VPS13A: variants seen among roughly 807,000 people sequenced by gnomAD.
The protein encoded by VPS13A is intermembrane lipid transfer protein VPS13A.
Under a neutral mutation model 390.9 loss-of-function variants are expected in VPS13A, and 264 were observed. The observed-to-expected ratio is 0.68, with a 90% CI of 0.61 to 0.75. VPS13A has a LOEUF of 0.75. Among genes scored for constraint, VPS13A ranks in the 30% least tolerant of loss-of-function variants. VPS13A has a pLI of 0.00. For synonymous variants in VPS13A, 1,231 were observed against 1,227.1 expected (o/e 1.00, Z -0.07); for missense variants, 3,409 against 3,733.9 (o/e 0.91, Z 2.27).
intron 13 of VPS13A, among the ~76,000 whole-genome samples, chr9:77,224,179 C>T (rs1391654851): frequency 1.3e-5 from 2 of 152,130 alleles, no homozygotes; most frequent in Non-Finnish European, 2.9e-5. Flanking sequence ...CACCTAGTCA[C>T]CAAAAGCTCT....
intron 1 of VPS13A, among the ~76,000 whole-genome samples, chr9:77,181,442 G>T (rs1256350012): frequency 6.6e-6 from 1 of 151,222 alleles, no homozygotes; most frequent in African/African-American, 2.4e-5. Context: ...CTTGAAGCTG[G>T]GAGGCATAGG....
At chr9:77,257,595 GTAAA>G (rs1437761030) in intron 22 of VPS13A, among the ~76,000 whole-genome samples, 1 of 152,026 alleles carries the variant, frequency 6.6e-6, no homozygotes, top group Non-Finnish European at 1.5e-5. Context: ...TCTACAATAA[GTAAA>G]TAAATAATTA....
chr9:77,258,859 T>C (rs960674929), intron 22 of VPS13A, among the ~76,000 whole-genome samples: 1 of 152,164 alleles, frequency 6.6e-6, no homozygotes, highest in Non-Finnish European at 1.5e-5. Flanking sequence ...AAGTATGCTA[T>C]AATCTTGGAA....
intron 68 of VPS13A, chr9:77,384,766 T>C: frequency 6.5e-7 from 1 of 1,529,520 alleles, no homozygotes; most frequent in South Asian, 1.2e-5. Context: ...TATGTCCATT[T>C]ATAGGGAGGT....
At position 77,370,566 on chromosome 9, in the gene VPS13A, A is replaced by C. The variant is rs1306698024; in HGVS notation, c.8895A>C (p.Lys2965Asn). Residue 2965 changes from lysine to asparagine, a missense_variant, in exon 65 of 72, where the codon AAA becomes AAC. Coordinates refer to ENST00000360280, the MANE Select transcript of VPS13A (RefSeq NM_033305.3). ...GAGAAGGCATCACTCGTGGAGGAAA[A>C]GGCTTAGTTTCTGTAAGAAATTTCA... The part of the protein sequence containing the change: ...GFREGITRGG[K>N]GLVSGFVSGI... 2 of 1,614,132 alleles carry C rather than the reference A, an allele frequency of 1.2e-6. No individual in the cohort carries two copies. Among genetic ancestry groups the C allele is most frequent in the South Asian group, 2.2e-5 (2 of 91,082 alleles).
chr9:77,277,868 T>C (rs1281663397), intron 26 of VPS13A, among the ~76,000 whole-genome samples: 2 of 152,318 alleles, frequency 1.3e-5, no homozygotes, highest in South Asian at 2.1e-4. Flanking sequence ...TTAATAAAGC[T>C]GCTGTGAACA....
rs1831907115 is a variant in VPS13A, at chr9:77,357,906, C to T, written c.7953+68C>T. 7.0e-6 allele frequency: 10 copies of T among 1,436,662 alleles called. No individual in the cohort carries two copies. In the South Asian group the frequency reaches 9.3e-5, roughly 13 times the overall value. 89.0% of individuals were successfully genotyped at this position (1,436,662 alleles called of 1,614,324 possible). A position where few individuals can be genotyped will look rare whatever the true frequency, so the allele number is the denominator to read the frequency against. On this transcript the variant is annotated intron_variant, in intron 56 of 71. Coordinates refer to ENST00000360280, the MANE Select transcript of VPS13A (RefSeq NM_033305.3). ...AATGCAATAAGAAACCAGATCTATT[C>T]CCATGGTCTGCTTTATCTAGTATTC... is the stretch of plus-strand genomic sequence containing the variant.
At chr9:77,354,976 T>C (rs535958414) in intron 54 of VPS13A, among the ~76,000 whole-genome samples, 59 of 152,322 alleles carry the variant, frequency 3.9e-4, no homozygotes, top group African/African-American at 1.4e-3. Flanking sequence ...CCAGCAGTCC[T>C]CTTCTTCATC....
chr9:77,301,957 A>AT (rs397978087), intron 33 of VPS13A, among the ~76,000 whole-genome samples: 2,425 of 73,716 alleles, frequency 0.033, 63 homozygotes, highest in African/African-American at 0.12. Context: ...ACATAGAGAT[A>AT]TTTTTTTTTT....
At chr9:77,353,311 A>G in intron 53 of VPS13A, 98 bp from the exon 54 acceptor site, 1 of 909,400 alleles carries the variant, frequency 1.1e-6, no homozygotes, top group Admixed American at 2.4e-5. Flanking sequence ...GGTGCCATTA[A>G]TAGTCTCATT....
intron 50 of VPS13A, 48 bp from the exon 51 acceptor site, chr9:77,344,105 A>T (rs1433512039): frequency 6.9e-7 from 1 of 1,443,792 alleles, no homozygotes. Flanking sequence ...TTATATATTT[A>T]TGGTGAAATC....
intron 71 of VPS13A, among the ~76,000 whole-genome samples, chr9:77,410,401 A>C (rs1458004775): frequency 4.0e-5 from 6 of 151,694 alleles, no homozygotes; most frequent in Admixed American, 2.0e-4. Flanking sequence ...CGAGCAAAAT[A>C]ACCAGCTAAC....
At chr9:77,337,611 A>G (rs890389571) in intron 47 of VPS13A, 74 bp downstream of exon 47, 22 of 1,464,052 alleles carry the variant, frequency 1.5e-5, no homozygotes, top group Non-Finnish European at 2.1e-5. Flanking sequence ...AAGATCAATA[A>G]AAACTATTTT....
chr9:77,359,454 A>G, intron 58 of VPS13A, 52 bp downstream of exon 58: 1 of 1,442,944 alleles, frequency 6.9e-7, no homozygotes, highest in Non-Finnish European at 9.6e-7. Flanking sequence ...TGATTTAAAT[A>G]TATGAATTGT....
In VPS13A at chr9:77,209,456, C is replaced by T. The variant is rs1198255472; in HGVS notation, c.419C>T (p.Ala140Val). Residue 140 changes from alanine to valine, a missense_variant, in exon 6 of 72, where the codon GCA becomes GTA. Ala to Val is a moderately conservative substitution (Grantham distance 64, BLOSUM62 0). Around this residue, in one of 5 missense-constraint regions of VPS13A, gnomAD observed 2,717 missense variants for 2,917.4 expected, o/e 0.93. Transcript: ENST00000360280. ...QHLPEKQDTFAEKLVTQIIKN... is the reference protein window; with the variant it reads ...QHLPEKQDTFVEKLVTQIIKN... ...CTGCCGGAAAAACAGGACACTTTTG[C>T]AGAAAAATTAGTTACACAGATCATA... The T allele has an allele frequency of 1.2e-6, 2 of 1,612,670 alleles. No homozygotes were observed. Among genetic ancestry groups the T allele is most frequent in the Non-Finnish European group, 1.7e-6 (2 of 1,179,252 alleles).
At chr9:77,390,631 C>T (rs1301179636) in intron 68 of VPS13A, among the ~76,000 whole-genome samples, 12 of 136,170 alleles carry the variant, frequency 8.8e-5, no homozygotes, top group South Asian at 2.7e-4. Context: ...TCCCACCGCC[C>T]GCCACCCCTC....
intron 1 of VPS13A, among the ~76,000 whole-genome samples, chr9:77,187,851 C>T (rs906022030): frequency 3.9e-5 from 6 of 152,058 alleles, no homozygotes; most frequent in African/African-American, 1.4e-4. Context: ...TTTTTTGATC[C>T]TCACCCTCCC....
intron 9 of VPS13A, 71 bp from the exon 10 acceptor site, chr9:77,214,258 A>T (rs1204409202): frequency 7.5e-7 from 1 of 1,341,150 alleles, no homozygotes; most frequent in East Asian, 2.3e-5. Context: ...CCTGGGTGAC[A>T]GGGGGAGACT....
chr9:77,251,314 A>G (rs924134721), intron 21 of VPS13A, among the ~76,000 whole-genome samples: 5 of 152,182 alleles, frequency 3.3e-5, no homozygotes, highest in Non-Finnish European at 4.4e-5. Context: ...TTCAAATGAG[A>G]TAGTATATAT....
Sources: allele counts gnomAD v4.1 joint callset (sites outside exome capture counted in the v4.1 genomes callset), GRCh38; gene constraint gnomAD v4.1.1; regional missense constraint gnomAD v4.1.1; transcripts MANE v1.5; gene names NCBI Gene and HGNC (gene_info 2026-07-23, HGNC 2026-07-21).